The following MARCHF11 variants were observed in gnomAD, a reference collection of about 807,000 sequenced individuals.
The protein encoded by MARCHF11 is membrane associated ring-CH-type finger 11.
In MARCHF11, 29 loss-of-function variants were observed where a neutral mutation model predicts 37.3. That is an observed-to-expected ratio of 0.78 (90% CI 0.58 to 1.06). The LOEUF is 1.06. MARCHF11 is among the 50% of genes least tolerant of loss of function. The pLI is 0.00. For missense variants in MARCHF11, 482 were observed against 533.4 expected, an observed-to-expected ratio of 0.90 and a Z score of 0.95; for synonymous variants, 233 against 228.0, an observed-to-expected ratio of 1.02 and a Z score of -0.20.
chr5:16,104,898 G>A (rs1560975836), intron 2 of MARCHF11, among the ~76,000 whole-genome samples: 1 of 149,324 alleles, frequency 6.7e-6, no homozygotes, highest in Admixed American at 6.6e-5. Context: ...ATAAGGTTAT[G>A]GTAAGGACTA....
chr5:16,134,904 A>G (rs1737581323), intron 2 of MARCHF11, among the ~76,000 whole-genome samples: 1 of 151,942 alleles, frequency 6.6e-6, no homozygotes, highest in Admixed American at 6.6e-5. Context: ...ATATGTGTGC[A>G]TGTATATTTA....
intron 2 of MARCHF11, among the ~76,000 whole-genome samples, chr5:16,166,365 A>G (rs1738168740): frequency 6.6e-6 from 1 of 152,056 alleles, no homozygotes; most frequent in Non-Finnish European, 1.5e-5. Flanking sequence ...GAAAACATAT[A>G]TATGTAAACT....
At chr5:16,145,265 A>G (rs1737779973) in intron 2 of MARCHF11, among the ~76,000 whole-genome samples, 1 of 152,156 alleles carries the variant, frequency 6.6e-6, no homozygotes, top group African/African-American at 2.4e-5. Flanking sequence ...AATTCCCAAC[A>G]CAGCAGGGTT....
chr5:16,161,766 C>T (rs183403835), intron 2 of MARCHF11, among the ~76,000 whole-genome samples: 36 of 152,066 alleles, frequency 2.4e-4, no homozygotes, highest in African/African-American at 8.4e-4. Flanking sequence ...GTGTGTCTTT[C>T]CCAGTGGCCA....
At chr5:16,173,417 A>T (rs974071915) in intron 2 of MARCHF11, among the ~76,000 whole-genome samples, 1 of 152,210 alleles carries the variant, frequency 6.6e-6, no homozygotes, top group Non-Finnish European at 1.5e-5. Context: ...GTGCTTGGCC[A>T]CATTTAAGAG....
chr5:16,169,517 A>C (rs1308702918), intron 2 of MARCHF11, among the ~76,000 whole-genome samples: 1 of 152,132 alleles, frequency 6.6e-6, no homozygotes, highest in Non-Finnish European at 1.5e-5. Flanking sequence ...GAAGGATGGA[A>C]TAAGAAATGT....
intron 3 of MARCHF11, among the ~76,000 whole-genome samples, chr5:16,072,510 CTGTGTG>C (rs34699021): frequency 0.012 from 1,824 of 146,412 alleles, 18 homozygotes; most frequent in African/African-American, 0.031. Context: ...CTCTCTCACT[CTGTGTG>C]TGTGTGTGTG....
chr5:16,114,947 C>G (rs533189465), intron 2 of MARCHF11, among the ~76,000 whole-genome samples: 4 of 152,168 alleles, frequency 2.6e-5, no homozygotes, highest in Admixed American at 1.3e-4. Flanking sequence ...GAATCAAAAA[C>G]CATTTACTTA....
chr5:16,071,243 C>T (rs1400607823), intron 3 of MARCHF11, among the ~76,000 whole-genome samples: 5 of 152,106 alleles, frequency 3.3e-5, no homozygotes, highest in Non-Finnish European at 7.4e-5. Flanking sequence ...AACGTAAATA[C>T]TGAATATTTT....
At chr5:16,105,181 G>T (rs990429906) in intron 2 of MARCHF11, among the ~76,000 whole-genome samples, 2 of 152,152 alleles carry the variant, frequency 1.3e-5, no homozygotes, top group African/African-American at 4.8e-5. Context: ...CTGACATCCT[G>T]CTGTGGCTTG....
chr5:16,082,944 G>T (rs1356897953), intron 3 of MARCHF11, among the ~76,000 whole-genome samples: 2 of 151,636 alleles, frequency 1.3e-5, no homozygotes, highest in African/African-American at 2.4e-5. Context: ...CACTCCATGG[G>T]TGAATGCTGG....
At chr5:16,082,744 G>A (rs760122161) in intron 3 of MARCHF11, among the ~76,000 whole-genome samples, 2 of 152,164 alleles carry the variant, frequency 1.3e-5, no homozygotes, top group African/African-American at 2.4e-5. Context: ...AACTCTCCTG[G>A]TTATTAAGCT....
chr5:16,172,711 T>G (rs1305108325), intron 2 of MARCHF11, among the ~76,000 whole-genome samples: 1 of 152,220 alleles, frequency 6.6e-6, no homozygotes, highest in East Asian at 1.9e-4. Context: ...ATCAGCTACA[T>G]CCTACTAACA....
intron 1 of MARCHF11, among the ~76,000 whole-genome samples, chr5:16,178,740 C>T (rs971880977): frequency 6.6e-6 from 1 of 152,210 alleles, no homozygotes; most frequent in Admixed American, 6.5e-5. Context: ...GAATAATTCA[C>T]AAAAGCCGCT....
intron 2 of MARCHF11, among the ~76,000 whole-genome samples, chr5:16,118,463 G>T (rs1165255217): frequency 6.6e-6 from 1 of 152,194 alleles, no homozygotes; most frequent in East Asian, 1.9e-4. Context: ...GTGAACAGGG[G>T]TGCTATGCAC....
intron 2 of MARCHF11, among the ~76,000 whole-genome samples, chr5:16,135,369 C>T (rs989859880): frequency 6.6e-6 from 1 of 151,936 alleles, no homozygotes; most frequent in South Asian, 2.1e-4. Flanking sequence ...AAAGCTGGTG[C>T]ATAAAATTAA....
At chr5:16,168,599 G>C (rs1458219621) in intron 2 of MARCHF11, among the ~76,000 whole-genome samples, 1 of 152,082 alleles carries the variant, frequency 6.6e-6, no homozygotes, top group Non-Finnish European at 1.5e-5. Flanking sequence ...AGAAAGCGTG[G>C]CATGGTTGGT....
At chr5:16,162,297 T>C (rs1473449225) in intron 2 of MARCHF11, among the ~76,000 whole-genome samples, 1 of 151,952 alleles carries the variant, frequency 6.6e-6, no homozygotes, top group African/African-American at 2.4e-5. Flanking sequence ...TAAAATAGAT[T>C]GAGAAAACTG....
At chr5:16,132,435 T>C (rs1281275159) in intron 2 of MARCHF11, among the ~76,000 whole-genome samples, 2 of 152,194 alleles carry the variant, frequency 1.3e-5, no homozygotes, top group East Asian at 3.8e-4. Flanking sequence ...CTCCTTAACA[T>C]GGACCTCATG....
Sources: gnomAD v4.1 joint callset for allele counts (sites outside exome capture counted in the v4.1 genomes callset) on GRCh38, gnomAD v4.1.1 for gene constraint, MANE v1.5 for transcripts, NCBI Gene and HGNC (gene_info 2026-07-23, HGNC 2026-07-21) for gene names.